The following LYPD8 variants were observed in gnomAD, a reference collection of about 807,000 sequenced individuals.
LYPD8 encodes the protein LY6/PLAUR domain containing 8.
In LYPD8, 8 loss-of-function variants were observed where a neutral mutation model predicts 1.7. The observed-to-expected ratio is 4.58, with a 90% CI of 2.69 to 8.27. LYPD8 has a LOEUF of 8.27. LYPD8 is among the 30% of genes most tolerant of loss of function. The probability of loss-of-function intolerance (pLI) is 0.00; values close to 1 mark genes in which losing one functional copy is unlikely to be tolerated. For missense variants in LYPD8, 112 were observed against 102.3 expected, an observed-to-expected ratio of 1.09 and a Z score of -0.41; for synonymous variants, 50 against 43.6, an observed-to-expected ratio of 1.15 and a Z score of -0.58.
At chr1:248,746,429 G>A (rs1662726961) in intron 5 of LYPD8, among the ~76,000 whole-genome samples, 2 of 152,222 alleles carry the variant, frequency 1.3e-5, no homozygotes, top group Non-Finnish European at 2.9e-5. Flanking sequence ...CTGTAAGTCC[G>A]ATGTTAATGC....
intron 2 of LYPD8, among the ~76,000 whole-genome samples, chr1:248,753,051 ACACACACCC>A (rs1364770344): frequency 1.1e-3 from 88 of 81,236 alleles, no homozygotes; most frequent in East Asian, 3.2e-3. Flanking sequence ...CACACATCAC[ACACACACCC>A]CACACACCCC....
At chr1:248,742,173 GGC>G (rs1662612353) in intron 6 of LYPD8, among the ~76,000 whole-genome samples, 1 of 151,652 alleles carries the variant, frequency 6.6e-6, no homozygotes, top group Non-Finnish European at 1.5e-5. Context: ...TGGGGATGTT[GGC>G]AGCGGGGAGA....
chr1:248,748,784 C>T (rs988695493), intron 4 of LYPD8, among the ~76,000 whole-genome samples: 26 of 152,116 alleles, frequency 1.7e-4, no homozygotes, highest in Non-Finnish European at 2.5e-4. Flanking sequence ...ACAGACATGA[C>T]GAGCCTTATG....
rs909298438 is a variant in LYPD8, at chr1:248,739,907, G to A, written c.476-58C>T. 1.8e-5 allele frequency: 28 copies of A among 1,543,020 alleles called. No individual in the cohort carries two copies. The highest frequency in any genetic ancestry group is 8.4e-5 in the South Asian group (7 of 83,650). On this transcript the variant is annotated intron_variant, in intron 6 of 6. Coordinates refer to ENST00000590317, the MANE Select transcript of LYPD8 (RefSeq NM_001085474.2). This position sits in a 1 kb window ranked among gnomAD's most constrained non-coding sequence, Gnocchi z 4.3. ...CTCAGTCCTTTGTCCTTCCACCCACGCCTGCTCTTAGTTCTTCACCTGCAG... is the reference window on the plus strand; with the variant it reads ...CTCAGTCCTTTGTCCTTCCACCCACACCTGCTCTTAGTTCTTCACCTGCAG...
Sources: allele counts gnomAD v4.1 joint callset (sites outside exome capture counted in the v4.1 genomes callset), GRCh38; gene constraint gnomAD v4.1.1; non-coding constraint Gnocchi (gnomAD v3.1); transcripts MANE v1.5; gene names NCBI Gene and HGNC (gene_info 2026-07-23, HGNC 2026-07-21).